Variants in AVEN observed in about 807,000 individuals in gnomAD.
The protein encoded by AVEN is apoptosis and caspase activation inhibitor.
A neutral mutation model predicts 38.1 loss-of-function variants in AVEN; 41 were observed. The ratio of observed to expected loss-of-function variants is 1.08; its 90% CI spans 0.84 to 1.40. The LOEUF (loss-of-function observed/expected upper bound fraction) is 1.40, where lower values mean the gene tolerates loss of function less well. Among genes scored for constraint, AVEN ranks in the 40% most tolerant of loss-of-function variants. AVEN has a pLI of 0.00. For missense variants in AVEN, 605 were observed against 438.8 expected, an observed-to-expected ratio of 1.38 and a Z score of -3.38; for synonymous variants, 206 against 171.8, an observed-to-expected ratio of 1.20 and a Z score of -1.56.
intron 2 of AVEN, among the ~76,000 whole-genome samples, chr15:33,905,615 A>G (rs1451375716): frequency 1.3e-5 from 2 of 152,168 alleles, no homozygotes; most frequent in Non-Finnish European, 2.9e-5. Context: ...GCTTGAGCTC[A>G]GGAGTTTATA....
At chr15:33,894,826 TAAC>T (rs1892160364) in intron 2 of AVEN, among the ~76,000 whole-genome samples, 2 of 8,196 alleles carry the variant, frequency 2.4e-4, no homozygotes, top group African/African-American at 2.9e-4. Context: ...AAAAAAATAA[TAAC>T]AATAATAATA....
At chr15:33,918,423 T>C (rs1323861501) in intron 2 of AVEN, among the ~76,000 whole-genome samples, 7 of 151,274 alleles carry the variant, frequency 4.6e-5, no homozygotes, top group Non-Finnish European at 7.4e-5. Flanking sequence ...TCATAAAATG[T>C]GATGATGTTG....
chr15:33,979,840 T>C lies in AVEN; in HGVS notation c.445+23192A>G, dbSNP rs141860794. ...GAAAAATGCAATGCATATATGCTTA[T>C]ATATTTTTCTTTTATCAACTGCTGG... On this transcript the variant is annotated intron_variant, in intron 2 of 5. Coordinates refer to ENST00000306730, the MANE Select transcript of AVEN (RefSeq NM_020371.3). 4.6e-3 allele frequency among the ~76,000 whole-genome samples: 708 copies of C among 152,360 alleles called. 2 individuals carry two copies. The highest frequency in any genetic ancestry group is 0.014 in the African/African-American group (595 of 41,594).
chr15:33,900,102 T>C (rs372237980), intron 2 of AVEN, among the ~76,000 whole-genome samples: 1 of 151,974 alleles, frequency 6.6e-6, no homozygotes, highest in Non-Finnish European at 1.5e-5. Context: ...ATGAATCACC[T>C]TTTTTTTCTT....
intron 5 of AVEN, among the ~76,000 whole-genome samples, chr15:34,051,061 C>G (rs2140826259): frequency 6.6e-6 from 1 of 152,278 alleles, no homozygotes; most frequent in Admixed American, 6.5e-5. Flanking sequence ...CTTCTCATCA[C>G]CCACAGAACT....
At chr15:34,067,735 C>G (rs935707309) in intron 2 of AVEN, among the ~76,000 whole-genome samples, 1 of 152,146 alleles carries the variant, frequency 6.6e-6, no homozygotes, top group African/African-American at 2.4e-5. Context: ...TGGGGCAGAC[C>G]TGAAACCACA....
chr15:34,064,247 T>C, intron 4 of AVEN: 10 of 1,614,118 alleles, frequency 6.2e-6, no homozygotes, highest in Non-Finnish European at 8.5e-6. Flanking sequence ...AGATGCTGCT[T>C]CTCTGCCGAT....
intron 1 of AVEN, among the ~76,000 whole-genome samples, chr15:34,012,495 A>T (rs548944398): frequency 1.8e-4 from 27 of 152,306 alleles, no homozygotes; most frequent in African/African-American, 6.5e-4. Context: ...CTTCAGGTAC[A>T]TCTGCCTCTC....
chr15:33,961,120 C>T (rs1895143598), intron 2 of AVEN, among the ~76,000 whole-genome samples: 1 of 152,148 alleles, frequency 6.6e-6, no homozygotes, highest in South Asian at 2.1e-4. Flanking sequence ...CCTGCCTCAG[C>T]CTTCCGAGTA....
chr15:33,866,537 T>G lies in AVEN; in HGVS notation c.*76A>C, dbSNP rs972247864. 352 of 1,065,520 alleles carry G rather than the reference T, an allele frequency of 3.3e-4. No individual in the cohort carries two copies. The highest frequency in any genetic ancestry group is 1.9e-4 in the East Asian group (8 of 41,540). 66.0% of individuals were successfully genotyped at this position (1,065,520 alleles called of 1,614,324 possible). On this transcript the variant is annotated 3_prime_UTR_variant, in exon 6 of 6. Coordinates refer to ENST00000306730, the MANE Select transcript of AVEN (RefSeq NM_020371.3). ...TGAGACATGCTTGTAAACTGGCTGG[T>G]CCTGAAGGACAGCCTTATGCCCACC... is the stretch of plus-strand genomic sequence containing the variant.
At chr15:34,036,109 T>G (rs1285570581) in intron 1 of AVEN, among the ~76,000 whole-genome samples, 1 of 151,948 alleles carries the variant, frequency 6.6e-6, no homozygotes, top group East Asian at 1.9e-4. Flanking sequence ...TTTGTGTTTT[T>G]TTTTTAAAGT....
At chr15:33,852,063 A>ACTTGCTGAGGTTATTCTTC in the AVEN span, 1 of 151,622 alleles carries the variant, frequency 6.6e-6, no homozygotes. Flanking sequence ...GAGAGGCGGC[A>ACTTGCTGAGGTTATTCTTC]TGAGAGGTCA....
chr15:34,027,538 AAAAG>A (rs1555518024), intron 1 of AVEN, among the ~76,000 whole-genome samples: 1 of 151,362 alleles, frequency 6.6e-6, no homozygotes, highest in African/African-American at 2.4e-5. Flanking sequence ...CAAAAAAAAA[AAAAG>A]AAAGAAAACG....
At chr15:34,036,166 A>T (rs1899115982) in intron 1 of AVEN, among the ~76,000 whole-genome samples, 1 of 152,036 alleles carries the variant, frequency 6.6e-6, no homozygotes, top group Non-Finnish European at 1.5e-5. Context: ...GTATTCCGTG[A>T]AGATAATTAT....
intron 2 of AVEN, among the ~76,000 whole-genome samples, chr15:33,939,384 T>C (rs767102566): frequency 2.0e-5 from 3 of 152,228 alleles, no homozygotes; most frequent in Non-Finnish European, 4.4e-5. Context: ...GTATCGCTTG[T>C]TACTTACGGA....
At chr15:33,982,986 GC>G (rs1294482609) in intron 2 of AVEN, among the ~76,000 whole-genome samples, 1 of 86,276 alleles carries the variant, frequency 1.2e-5, no homozygotes, top group Admixed American at 1.0e-4. Context: ...TTGAAAGACT[GC>G]ACCTCTTAAC....
At chr15:33,993,638 T>G (rs140405841) in intron 2 of AVEN, among the ~76,000 whole-genome samples, 217 of 152,282 alleles carry the variant, frequency 1.4e-3, no homozygotes, top group African/African-American at 5.0e-3. Flanking sequence ...CATATGAGCT[T>G]ATAGAATAAT....
chr15:34,009,445 G>T (rs1215524457), intron 1 of AVEN, among the ~76,000 whole-genome samples: 1 of 152,068 alleles, frequency 6.6e-6, no homozygotes, highest in Admixed American at 6.6e-5. Context: ...GTGTATAATT[G>T]TATTGCTGGG....
chr15:33,904,614 T>C (rs917007584), intron 2 of AVEN, among the ~76,000 whole-genome samples: 3 of 150,534 alleles, frequency 2.0e-5, no homozygotes, highest in East Asian at 3.9e-4. Context: ...AGTTTCACCA[T>C]GTTGGCCAGG....
Sources: gnomAD v4.1 joint callset for allele counts (sites outside exome capture counted in the v4.1 genomes callset) on GRCh38, gnomAD v4.1.1 for gene constraint, MANE v1.5 for transcripts, NCBI Gene and HGNC (gene_info 2026-07-23, HGNC 2026-07-21) for gene names.